ZNF621: variants seen among roughly 807,000 people sequenced by gnomAD.
ZNF621 encodes zinc finger protein 621.
In ZNF621, 6 loss-of-function variants were observed where a neutral mutation model predicts 12.7. The observed-to-expected ratio is 0.47, with a 90% CI of 0.26 to 0.93. ZNF621 has a LOEUF of 0.93. Among genes scored for constraint, ZNF621 ranks in the 40% least tolerant of loss-of-function variants. The pLI is 0.15. For missense variants in ZNF621, 474 were observed against 524.0 expected, an observed-to-expected ratio of 0.90 and a Z score of 0.93; for synonymous variants, 156 against 190.3, an observed-to-expected ratio of 0.82 and a Z score of 1.48.
In ZNF621 at chr3:40,533,252, T is replaced by A; in HGVS notation, c.*162T>A. 5.2e-6 allele frequency: 6 copies of A among 1,154,264 alleles called. No individual in the cohort carries two copies. The highest frequency in any genetic ancestry group is 7.1e-6 in the Non-Finnish European group (6 of 847,236). 71.5% of individuals were successfully genotyped at this position (1,154,264 alleles called of 1,614,324 possible). Reference sequence around the variant, plus strand: ...CCCTCCTGGGTTCAAGCGATTCTCCTCCTTCAGACTCTCGAATAGCTGGGA... The same window carrying A: ...CCCTCCTGGGTTCAAGCGATTCTCCACCTTCAGACTCTCGAATAGCTGGGA... On this transcript the variant is annotated 3_prime_UTR_variant, in exon 5 of 5. Coordinates refer to ENST00000339296, the MANE Select transcript of ZNF621 (RefSeq NM_198484.5).
chr3:40,528,482 A>G (rs1698639127), intron 2 of ZNF621, among the ~76,000 whole-genome samples: 1 of 152,212 alleles, frequency 6.6e-6, no homozygotes, highest in East Asian at 1.9e-4. Context: ...ATGTGGACAT[A>G]AGTTTTCAAC....
chr3:40,529,669 C>A, intron 3 of ZNF621: 1 of 1,265,594 alleles, frequency 7.9e-7, no homozygotes, highest in Non-Finnish European at 1.1e-6. Flanking sequence ...GTCACCTAGG[C>A]TGGAGGGCAG....
chr3:40,533,075 T>C lies in ZNF621; in HGVS notation c.1305T>C (p.Ser435=). Residue 435 remains serine (S), a synonymous_variant, in exon 5 of 5, where the codon TCT becomes TCC. Transcript: ENST00000339296. ...VKPSPVILTP[S]SHSS ...CTTCCCCAGTTATTCTCACCCCTTCTTCTCACTCCTCATGAGCTTTATCTT... is the reference window on the plus strand; with the variant it reads ...CTTCCCCAGTTATTCTCACCCCTTCCTCTCACTCCTCATGAGCTTTATCTT... 4.5e-6 allele frequency: 7 copies of C among 1,551,622 alleles called. No individual in the cohort carries two copies. Among genetic ancestry groups the C allele is most frequent in the Non-Finnish European group, 6.1e-6 (7 of 1,146,892 alleles).
Position 40,537,205 on chromosome 3 carries a change from G to C in ZNF621, c.*4115G>C, listed in dbSNP as rs898216336. The C allele has an allele frequency of 6.6e-6, 1 of 152,224 alleles. No individual in the cohort carries two copies. Among genetic ancestry groups the C allele is most frequent in the African/African-American group, 2.4e-5 (1 of 41,458 alleles). The allele number at this position is 152,224 out of a possible 1,614,324, so 9.4% of individuals were successfully genotyped here. On this transcript the variant is annotated 3_prime_UTR_variant, in exon 5 of 5. Coordinates refer to ENST00000339296, the MANE Select transcript of ZNF621 (RefSeq NM_198484.5). ...GAGGAAGGCTAATGTCAACAGCTGA[G>C]ATAGGCCAAAAGCTAGACTGCTTCT...
Position 40,532,030 on chromosome 3 carries a change from G to T in ZNF621, c.260G>T (p.Gly87Val), listed in dbSNP as rs1698736821. The T allele has an allele frequency of 6.2e-7, 1 of 1,600,772 alleles. No individual in the cohort carries two copies. The highest frequency in any genetic ancestry group is 1.3e-5 in the African/African-American group (1 of 74,340). Residue 87 changes from glycine to valine, a missense_variant and splice_region_variant, in exon 5 of 5, where the codon GGT becomes GTT. Coordinates refer to ENST00000339296, the MANE Select transcript of ZNF621 (RefSeq NM_198484.5). ...GAACACTTGTGGTTTCTTTGGTCAG[G>T]TGGTGAGTCCTGGATCAAAAATGAA... ...DTEILRGISQ[G>V]GESWIKNEGL...
chr3:40,526,346 T>C (rs1390567619), intron 2 of ZNF621, among the ~76,000 whole-genome samples: 1 of 152,184 alleles, frequency 6.6e-6, no homozygotes, highest in Non-Finnish European at 1.5e-5. Flanking sequence ...AATTTTTGTA[T>C]TTTTAGTAGA....
At position 40,532,292 on chromosome 3, in the gene ZNF621, T is replaced by G. The variant is rs1248181491; in HGVS notation, c.522T>G (p.Thr174=). The change falls in exon 5 of 5, where the codon ACT becomes ACG. Residue 174 remains threonine (T), a synonymous_variant. Transcript: ENST00000339296. ...TTATTCGGCATCAGATGAGTCATAC[T>G]GGGGAAAAGCCCTTTAAGTGTAAGG... ...SKLIRHQMSH[T]GEKPFKCKEC... The G allele has an allele frequency of 6.2e-7, 1 of 1,613,086 alleles. No homozygotes were observed. The highest frequency in any genetic ancestry group is 1.3e-5 in the African/African-American group (1 of 74,932).
In ZNF621 at chr3:40,528,028, A is replaced by G. The variant is rs1249059612; in HGVS notation, c.25-1291A>G. Among the ~76,000 whole-genome samples the G allele has an allele frequency of 1.3e-4, 20 of 152,356 alleles. No individual in the cohort carries two copies. In the East Asian group the frequency reaches 3.1e-3, roughly 23 times the overall value. On this transcript the variant is annotated intron_variant, in intron 2 of 4. Transcript: ENST00000339296. ...AACACATCATTGTCATCCAAAGTTG[A>G]TAGTTTACATTAGGGTTCACTCTTG...
chr3:40,524,320 A>G (rs1037509123), upstream of ZNF621, among the ~76,000 whole-genome samples: 1 of 152,238 alleles, frequency 6.6e-6, no homozygotes, highest in African/African-American at 2.4e-5. Flanking sequence ...AAAGCTAAAT[A>G]TAAGACATTT....
In ZNF621 at chr3:40,533,385, C is replaced by A; in HGVS notation, c.*295C>A. The A allele has an allele frequency of 3.0e-6, 1 of 337,556 alleles. No homozygotes were observed. Among genetic ancestry groups the A allele is most frequent in the Middle Eastern group, 9.3e-4 (1 of 1,074 alleles). 20.9% of individuals were successfully genotyped at this position (337,556 alleles called of 1,614,324 possible). A position where few individuals can be genotyped will look rare whatever the true frequency, so the allele number is the denominator to read the frequency against. Reference sequence around the variant, plus strand: ...CAAACACCTGACCTCAAGTGATCCGCCTGCCTTGGCCCCCCAAAGTGCTGG... The same window carrying A: ...CAAACACCTGACCTCAAGTGATCCGACTGCCTTGGCCCCCCAAAGTGCTGG... On this transcript the variant is annotated 3_prime_UTR_variant, in exon 5 of 5. Coordinates refer to ENST00000339296, the MANE Select transcript of ZNF621 (RefSeq NM_198484.5).
intron 2 of ZNF621, among the ~76,000 whole-genome samples, chr3:40,528,016 C>T (rs954045215): frequency 1.3e-5 from 2 of 152,192 alleles, no homozygotes. Flanking sequence ...ACATCATTGT[C>T]ATCCAAAGTT....
At chr3:40,525,510 G>T in intron 1 of ZNF621, 2 of 548,266 alleles carry the variant, frequency 3.6e-6, no homozygotes, top group Non-Finnish European at 6.5e-6. Flanking sequence ...CAACACAATA[G>T]GGACAGGGCT....
upstream of ZNF621, chr3:40,524,796 C>T (rs1298064303): frequency 1.3e-5 from 2 of 152,404 alleles, no homozygotes; most frequent in African/African-American, 4.8e-5. Context: ...GCTTAGAGCG[C>T]CACAGTTCCA....
chr3:40,531,278 T>C (rs1315060552), intron 4 of ZNF621, among the ~76,000 whole-genome samples: 1 of 152,222 alleles, frequency 6.6e-6, no homozygotes, highest in Non-Finnish European at 1.5e-5. Context: ...GCAAGACCTC[T>C]TGTAGTGCTG....
chr3:40,529,396 C>A lies in ZNF621; in HGVS notation c.102C>A (p.Ala34=). Residue 34 remains alanine, a synonymous_variant, in exon 3 of 5, where the codon GCC becomes GCA. Coordinates refer to ENST00000339296, the MANE Select transcript of ZNF621 (RefSeq NM_198484.5). ...CCAGCCTCGACCCTGCGCAGAGGGC[C>A]CTGTACGGGGAGGTGATGCTGGAGA... ...QWASLDPAQR[A]LYGEVMLENY... The A allele has an allele frequency of 5.0e-6, 8 of 1,613,868 alleles. No homozygotes were observed. Among genetic ancestry groups the A allele is most frequent in the Non-Finnish European group, 6.8e-6 (8 of 1,179,884 alleles).
At chr3:40,529,495 A>G (rs773328179) in intron 3 of ZNF621, 50 bp downstream of exon 3, 9 of 1,608,170 alleles carry the variant, frequency 5.6e-6, no homozygotes, top group Non-Finnish European at 7.7e-6. Flanking sequence ...TCTTCCTCAG[A>G]TGTTTTGGGG....
At chr3:40,526,322 C>T (rs752396652) in intron 2 of ZNF621, among the ~76,000 whole-genome samples, 5 of 152,130 alleles carry the variant, frequency 3.3e-5, no homozygotes, top group African/African-American at 9.7e-5. Context: ...AGATGTGCGC[C>T]GCCACGTGTG....
chr3:40,531,983 T>C (rs1216393977), intron 4 of ZNF621, 47 bp from the exon 5 acceptor site: 11 of 1,530,756 alleles, frequency 7.2e-6, no homozygotes, highest in Non-Finnish European at 9.6e-6. Flanking sequence ...GGATCCTACT[T>C]TTCTTCCAGT....
At position 40,525,280 on chromosome 3, in the gene ZNF621, G is replaced by C. The variant is rs1453655252; in HGVS notation, c.-63+6G>C. On this transcript the variant is annotated splice_donor_region_variant and intron_variant, in intron 1 of 4. Transcript: ENST00000339296. ...CTGACAGCCTCTGGCTCCCGGTACT[G>C]ACGTTTCTGATGTTTGGGGTTGCCT... The C allele has an allele frequency of 6.3e-6, 1 of 157,916 alleles. No homozygotes were observed. The highest frequency in any genetic ancestry group is 2.4e-5 in the African/African-American group (1 of 41,512). 9.8% of individuals were successfully genotyped at this position (157,916 alleles called of 1,614,324 possible).
Sources: gnomAD v4.1 joint callset for allele counts (sites outside exome capture counted in the v4.1 genomes callset) on GRCh38, gnomAD v4.1.1 for gene constraint, MANE v1.5 for transcripts, NCBI Gene and HGNC (gene_info 2026-07-23, HGNC 2026-07-21) for gene names.